OXR1: variants seen among roughly 807,000 people sequenced by gnomAD.
OXR1 encodes oxidation resistance 1.
A neutral mutation model predicts 104.6 loss-of-function variants in OXR1; 41 were observed. That is an observed-to-expected ratio of 0.39 (90% CI 0.31 to 0.51). The LOEUF (loss-of-function observed/expected upper bound fraction) is 0.51, where lower values mean the gene tolerates loss of function less well. Among genes scored for constraint, OXR1 ranks in the 20% least tolerant of loss-of-function variants. The pLI is 0.77. For synonymous variants in OXR1, 348 were observed against 348.4 expected (o/e 1.00, Z 0.01); for missense variants, 955 against 1,031.9 (o/e 0.93, Z 1.02).
intron 9 of OXR1, among the ~76,000 whole-genome samples, chr8:106,709,920 C>T (rs1283870063): frequency 6.6e-6 from 1 of 152,052 alleles, no homozygotes; most frequent in Non-Finnish European, 1.5e-5. Context: ...TTGTGTAATA[C>T]TGCACAGAAA....
At chr8:106,604,727 A>G (rs984228397) in intron 3 of OXR1, 1 of 152,218 alleles carries the variant, frequency 6.6e-6, no homozygotes, top group African/African-American at 2.4e-5. Flanking sequence ...AATAACATGG[A>G]AGAAGCCTAT....
chr8:106,581,072 C>A, intron 3 of OXR1: 1 of 1,187,268 alleles, frequency 8.4e-7, no homozygotes, highest in South Asian at 1.7e-5. Flanking sequence ...CTTCAATAGT[C>A]TGCTAAAGAT....
At chr8:106,377,290 T>C (rs1816947245) in intron 2 of OXR1, among the ~76,000 whole-genome samples, 1 of 152,050 alleles carries the variant, frequency 6.6e-6, no homozygotes, top group African/African-American at 2.4e-5. Context: ...CCAAGCGATC[T>C]TTCCGTCTCA....
In OXR1 at chr8:106,697,398, G is replaced by A. The variant is rs1830150121; in HGVS notation, c.675+4521G>A. 26 of 1,367,820 alleles carry A rather than the reference G, an allele frequency of 1.9e-5. No homozygotes were observed. In the South Asian group the frequency reaches 3.3e-4, roughly 18 times the overall value. 84.7% of individuals were successfully genotyped at this position (1,367,820 alleles called of 1,614,324 possible). On this transcript the variant is annotated intron_variant, in intron 7 of 16. Transcript: ENST00000517566. ...ACATGTATATTAACCACTCGTGGGA[G>A]GGCAGGGGCAAGGCCTGGGGTGGGA...
chr8:106,477,490 C>T lies in OXR1; in HGVS notation c.24-41453C>T, dbSNP rs547121649. The stretch of plus-strand genomic sequence containing the variant: ...TTACTTTTCTCTAGACTTTGAATGG[C>T]TCTGTGTAGGGTCTTCAAGTGTGTA... On this transcript the variant is annotated intron_variant, in intron 2 of 16. Coordinates refer to ENST00000517566, the MANE Select transcript of OXR1 (RefSeq NM_001198533.2). Among the ~76,000 whole-genome samples the T allele has an allele frequency of 3.3e-5, 5 of 152,052 alleles. No individual in the cohort carries two copies. In the East Asian group the frequency reaches 9.7e-4, roughly 30 times the overall value.
At chr8:106,548,233 C>G (rs1447377175) in intron 3 of OXR1, among the ~76,000 whole-genome samples, 3 of 152,162 alleles carry the variant, frequency 2.0e-5, no homozygotes, top group Non-Finnish European at 4.4e-5. Context: ...GCAGTTGTCT[C>G]ATTTGACTTA....
At position 106,316,640 on chromosome 8, in the gene OXR1, A is replaced by G. The variant is rs575271065; in HGVS notation, c.-138-42836A>G. ...TTTTTCTTTAAAACTTAAGTAAAACATTGGGCTAGGAAAGGTTAGTGGCTT... is the reference window on the plus strand; with the variant it reads ...TTTTTCTTTAAAACTTAAGTAAAACGTTGGGCTAGGAAAGGTTAGTGGCTT... On this transcript the variant is annotated intron_variant, in intron 1 of 16. Transcript: ENST00000517566. Among the ~76,000 whole-genome samples, 5 of 152,104 alleles carry G rather than the reference A, an allele frequency of 3.3e-5. No homozygotes were observed. The South Asian group carries it at 1.0e-3, about 32-fold the overall frequency.
At chr8:106,731,966 T>C (rs1833931880) in intron 11 of OXR1, among the ~76,000 whole-genome samples, 1 of 152,174 alleles carries the variant, frequency 6.6e-6, no homozygotes, top group African/African-American at 2.4e-5. Context: ...TGAAATTGTA[T>C]TGAATCCATA....
intron 2 of OXR1, among the ~76,000 whole-genome samples, chr8:106,460,428 A>T (rs867543087): frequency 6.6e-6 from 1 of 152,196 alleles, no homozygotes; most frequent in Non-Finnish European, 1.5e-5. Context: ...TGTGGATTCT[A>T]ATGAGACACA....
chr8:106,283,808 G>A (rs966238301), intron 1 of OXR1, among the ~76,000 whole-genome samples: 1 of 151,996 alleles, frequency 6.6e-6, no homozygotes, highest in Non-Finnish European at 1.5e-5. Flanking sequence ...TTCTGTCATT[G>A]ACCTAACTCA....
intron 3 of OXR1, among the ~76,000 whole-genome samples, chr8:106,560,998 A>G (rs1158217947): frequency 2.6e-5 from 4 of 152,142 alleles, no homozygotes; most frequent in Non-Finnish European, 4.4e-5. Flanking sequence ...TGCTTTTCCC[A>G]TGGTCTTCTC....
chr8:106,347,024 C>G (rs1815517297), intron 1 of OXR1, among the ~76,000 whole-genome samples: 2 of 152,262 alleles, frequency 1.3e-5, no homozygotes, highest in South Asian at 2.1e-4. Context: ...GCTTAGGCGA[C>G]AAAGCGAGAC....
chr8:106,532,302 T>C (rs909976086), intron 3 of OXR1, among the ~76,000 whole-genome samples: 1 of 152,308 alleles, frequency 6.6e-6, no homozygotes, highest in African/African-American at 2.4e-5. Flanking sequence ...GTGTAAGAGC[T>C]AAAAAGATAG....
chr8:106,663,217 A>G (rs1261796745), intron 3 of OXR1, among the ~76,000 whole-genome samples: 1 of 152,174 alleles, frequency 6.6e-6, no homozygotes, highest in African/African-American at 2.4e-5. Flanking sequence ...TACTATTATT[A>G]TCCTATTTTC....
intron 16 of OXR1, among the ~76,000 whole-genome samples, chr8:106,750,365 G>T (rs112256499): frequency 2.3e-5 from 3 of 130,324 alleles, no homozygotes; most frequent in Non-Finnish European, 4.6e-5. Context: ...CACTCTTGTC[G>T]CGCAGGCTGG....
intron 2 of OXR1, among the ~76,000 whole-genome samples, chr8:106,476,902 A>G (rs1821838132): frequency 6.6e-6 from 1 of 151,930 alleles, no homozygotes. Flanking sequence ...TTATAGCAAT[A>G]TTGTGCCCAC....
chr8:106,741,686 T>C (rs537540051), intron 14 of OXR1, among the ~76,000 whole-genome samples: 1 of 152,254 alleles, frequency 6.6e-6, no homozygotes, highest in African/African-American at 2.4e-5. Context: ...CAATCTCTTA[T>C]TCATCAATTT....
At chr8:106,428,133 A>G (rs1199226160) in intron 2 of OXR1, among the ~76,000 whole-genome samples, 2 of 152,154 alleles carry the variant, frequency 1.3e-5, no homozygotes, top group Non-Finnish European at 2.9e-5. Flanking sequence ...TTCCTCACAT[A>G]AGAAGAAATC....
At chr8:106,639,003 C>T (rs1823406467) in intron 3 of OXR1, among the ~76,000 whole-genome samples, 2 of 151,924 alleles carry the variant, frequency 1.3e-5, no homozygotes, top group South Asian at 4.2e-4. Flanking sequence ...GGACAGCATC[C>T]CATCTATGAA....
Sources: allele counts gnomAD v4.1 joint callset (sites outside exome capture counted in the v4.1 genomes callset), GRCh38; gene constraint gnomAD v4.1.1; transcripts MANE v1.5; gene names NCBI Gene and HGNC (gene_info 2026-07-23, HGNC 2026-07-21).